The following NRG1 variants were observed in gnomAD, a reference collection of about 807,000 sequenced individuals.
NRG1 encodes the protein neuregulin 1.
In NRG1, 18 loss-of-function variants were observed where a neutral mutation model predicts 63.8. The ratio of observed to expected loss-of-function variants is 0.28; its 90% CI spans 0.19 to 0.42. NRG1 has a LOEUF of 0.42. Among genes scored for constraint, NRG1 ranks in the 10% least tolerant of loss-of-function variants. The pLI is 1.00. For synonymous variants in NRG1, 302 were observed against 301.3 expected (o/e 1.00, Z -0.02); for missense variants, 762 against 814.7 (o/e 0.94, Z 0.79).
intron 5 of NRG1, among the ~76,000 whole-genome samples, chr8:32,668,763 T>C (rs1024879051): frequency 1.3e-5 from 2 of 152,206 alleles, no homozygotes; most frequent in African/African-American, 4.8e-5. Context: ...TCTGTAAGCA[T>C]TGCTGACTCA....
chr8:31,704,108 A>C (rs898931662), intron 1 of NRG1, among the ~76,000 whole-genome samples: 1 of 152,202 alleles, frequency 6.6e-6, no homozygotes, highest in African/African-American at 2.4e-5. Flanking sequence ...TATGCAAAGT[A>C]GTTTCTTGGC....
chr8:32,066,013 G>T (rs1280903383), intron 1 of NRG1, among the ~76,000 whole-genome samples: 2 of 152,154 alleles, frequency 1.3e-5, no homozygotes, highest in Non-Finnish European at 2.9e-5. Flanking sequence ...CCTATCCTTT[G>T]CCCACTTTTT....
chr8:31,761,964 CT>C (rs1174761086), intron 1 of NRG1, among the ~76,000 whole-genome samples: 1 of 152,092 alleles, frequency 6.6e-6, no homozygotes, highest in Non-Finnish European at 1.5e-5. Flanking sequence ...ATGGGACTTT[CT>C]ATGTGCACCA....
chr8:32,602,629 A>C (rs1391662289), intron 2 of NRG1, among the ~76,000 whole-genome samples: 1 of 152,110 alleles, frequency 6.6e-6, no homozygotes, highest in Non-Finnish European at 1.5e-5. Flanking sequence ...CTTACTTTAG[A>C]AATTTACTCC....
At chr8:32,414,573 A>G (rs768628449) in intron 1 of NRG1, among the ~76,000 whole-genome samples, 3 of 152,182 alleles carry the variant, frequency 2.0e-5, no homozygotes, top group Non-Finnish European at 2.9e-5. Flanking sequence ...AGATAAAGGC[A>G]TGTTTCAGAG....
intron 1 of NRG1, among the ~76,000 whole-genome samples, chr8:32,539,550 C>CT (rs1427471798): frequency 3.3e-5 from 5 of 152,026 alleles, no homozygotes; most frequent in Admixed American, 6.5e-5. Flanking sequence ...CTCTGTCTGG[C>CT]TTTTTTTGCG....
intron 5 of NRG1, chr8:32,648,226 C>A: frequency 1.2e-6 from 2 of 1,614,050 alleles, no homozygotes; most frequent in Non-Finnish European, 1.7e-6. Context: ...GAACCATCAG[C>A]GGCACCGACA....
chr8:32,763,455 C>T (rs1831079237), intron 11 of NRG1: 12 of 1,340,242 alleles, frequency 9.0e-6, no homozygotes, highest in Non-Finnish European at 1.2e-5. Flanking sequence ...GCCTTCTTGT[C>T]TTGGCTCATA....
chr8:32,695,528 T>G (rs1176758167), intron 5 of NRG1, among the ~76,000 whole-genome samples: 1 of 152,244 alleles, frequency 6.6e-6, no homozygotes, highest in Non-Finnish European at 1.5e-5. Context: ...TTTTCTGTAC[T>G]GAGAACAGAG....
intron 1 of NRG1, among the ~76,000 whole-genome samples, chr8:31,999,878 C>G (rs1164090355): frequency 6.6e-6 from 1 of 151,334 alleles, no homozygotes; most frequent in Non-Finnish European, 1.5e-5. Context: ...ATTTTTTTTT[C>G]TAATTGGCAA....
intron 1 of NRG1, among the ~76,000 whole-genome samples, chr8:32,222,206 A>G (rs1366526610): frequency 1.3e-5 from 2 of 152,200 alleles, no homozygotes; most frequent in South Asian, 2.1e-4. Flanking sequence ...ATATTATTGT[A>G]AAGTGCTAAT....
chr8:32,705,394 G>T (rs1053253857), intron 5 of NRG1, among the ~76,000 whole-genome samples: 4 of 152,174 alleles, frequency 2.6e-5, no homozygotes, highest in Non-Finnish European at 5.9e-5. Flanking sequence ...GCCTCCCAAA[G>T]TGCTGAGATT....
intron 1 of NRG1, among the ~76,000 whole-genome samples, chr8:32,167,498 G>A (rs78086036): frequency 6.6e-6 from 1 of 152,150 alleles, no homozygotes; most frequent in Non-Finnish European, 1.5e-5. Flanking sequence ...AAAAAGAAAA[G>A]TAATCATTTC....
At chr8:31,680,667 G>T (rs922287030) in intron 1 of NRG1, among the ~76,000 whole-genome samples, 29 of 151,446 alleles carry the variant, frequency 1.9e-4, no homozygotes, top group Non-Finnish European at 3.8e-4. Context: ...GTAATGGGAT[G>T]GCTGGGTCAA....
intron 5 of NRG1, among the ~76,000 whole-genome samples, chr8:32,663,568 T>C (rs1264069114): frequency 6.6e-6 from 1 of 152,178 alleles, no homozygotes; most frequent in Non-Finnish European, 1.5e-5. Flanking sequence ...TAAATGCTTA[T>C]TTTACTTCTC....
intron 1 of NRG1, among the ~76,000 whole-genome samples, chr8:31,994,653 CAAAAAAAAAAA>C (rs59019886): frequency 1.6e-5 from 1 of 62,334 alleles, no homozygotes; most frequent in Non-Finnish European, 2.8e-5. Flanking sequence ...TACTCTGTCT[CAAAAAAAAAAA>C]AAAAAAAAAA....
At chr8:31,942,778 A>G (rs920415342) in intron 1 of NRG1, among the ~76,000 whole-genome samples, 1 of 152,160 alleles carries the variant, frequency 6.6e-6, no homozygotes, top group African/African-American at 2.4e-5. Flanking sequence ...GCCAACAAGC[A>G]TATGGAAAAA....
intron 1 of NRG1, among the ~76,000 whole-genome samples, chr8:32,043,242 A>G (rs1382090479): frequency 3.3e-5 from 5 of 152,116 alleles, no homozygotes; most frequent in Admixed American, 2.0e-4. Flanking sequence ...AAATAACTTC[A>G]AATTTCTTGT....
At position 31,849,598 on chromosome 8, in the gene NRG1, T is replaced by C. The variant is rs551510343; in HGVS notation, c.37+210167T>C. On this transcript the variant is annotated intron_variant, in intron 1 of 10. Coordinates refer to the NRG1 transcript ENST00000519301. ...GCCACAATGAACTTCCTTTTGTCTC[T>C]CATTTCACCCTTAAAGGGACAAATA... is the stretch of plus-strand genomic sequence containing the variant. Among the ~76,000 whole-genome samples the C allele has an allele frequency of 5.9e-5, 9 of 152,342 alleles. No individual in the cohort carries two copies. The South Asian group carries it at 1.9e-3, about 32-fold the overall frequency.
Sources: allele counts gnomAD v4.1 joint callset (sites outside exome capture counted in the v4.1 genomes callset), GRCh38; gene constraint gnomAD v4.1.1; transcripts MANE v1.5; gene names NCBI Gene and HGNC (gene_info 2026-07-23, HGNC 2026-07-21).